Variants in ATG4B observed in about 807,000 individuals in gnomAD.
The protein encoded by ATG4B is autophagy related 4B cysteine peptidase, also known as cysteine protease ATG4B.
Under a neutral mutation model 56.6 loss-of-function variants are expected in ATG4B, and 29 were observed. The observed-to-expected ratio is 0.51, with a 90% CI of 0.38 to 0.70. The LOEUF (loss-of-function observed/expected upper bound fraction) is 0.70. Among genes scored for constraint, ATG4B ranks in the 30% least tolerant of loss-of-function variants. ATG4B has a pLI of 0.00. For missense variants in ATG4B, 461 were observed against 515.5 expected, an observed-to-expected ratio of 0.89 and a Z score of 1.02; for synonymous variants, 224 against 206.1, an observed-to-expected ratio of 1.09 and a Z score of -0.74.
At chr2:241,671,226 G>T (rs544493690) in intron 11 of ATG4B, 86 bp from the exon 12 acceptor site, 91 of 1,205,092 alleles carry the variant, frequency 7.6e-5, no homozygotes, top group Non-Finnish European at 1.0e-4. Flanking sequence ...AGGTTTGTCC[G>T]CTGGCTGTGG....
At chr2:241,660,547 T>C (rs2068559443) in intron 7 of ATG4B, among the ~76,000 whole-genome samples, 1 of 152,176 alleles carries the variant, frequency 6.6e-6, no homozygotes, top group Non-Finnish European at 1.5e-5. Context: ...TCTGCCTTTT[T>C]CCTCCATTCT....
intron 7 of ATG4B, chr2:241,659,571 G>T (rs1181723760): frequency 8.6e-6 from 3 of 347,976 alleles, no homozygotes; most frequent in Non-Finnish European, 1.7e-5. Context: ...GCACCATCTC[G>T]AGCAAAGGCA....
intron 1 of ATG4B, among the ~76,000 whole-genome samples, chr2:241,646,340 T>A (rs1222191121): frequency 6.6e-6 from 1 of 152,220 alleles, no homozygotes; most frequent in African/African-American, 2.4e-5. Flanking sequence ...ATATTTTTAA[T>A]ATGGGAAACT....
chr2:241,654,628 C>G lies in ATG4B; in HGVS notation c.366C>G (p.Tyr122Ter). 1 of 1,598,542 alleles carries G rather than the reference C, an allele frequency of 6.3e-7. No individual in the cohort carries two copies. Among genetic ancestry groups the G allele is most frequent in the Non-Finnish European group, 8.5e-7 (1 of 1,172,640 alleles). Residue 122 changes from tyrosine (Y) to a stop codon, truncating the protein, a stop_gained, in exon 5 of 13, where the codon TAC becomes TAG. Coordinates refer to ENST00000404914, the MANE Select transcript of ATG4B (RefSeq NM_013325.5). LOFTEE classifies it high-confidence loss of function. ...CATTCATCGACAGGAAGGACAGTTA[C>G]TACTCCATTCACCAGATAGGTGGGA... ...LNAFIDRKDS[Y>*]YSIHQIAQMG...
At chr2:241,642,280 G>A (rs1277062552) in intron 1 of ATG4B, among the ~76,000 whole-genome samples, 1 of 151,658 alleles carries the variant, frequency 6.6e-6, no homozygotes. Flanking sequence ...TGTGTGCACT[G>A]AAACAGTGTT....
Position 241,668,013 on chromosome 2 carries a change from A to G in ATG4B, c.733-130A>G. 2 of 797,328 alleles carry G rather than the reference A, an allele frequency of 2.5e-6. No individual in the cohort carries two copies. Among genetic ancestry groups the G allele is most frequent in the Non-Finnish European group, 3.9e-6 (2 of 507,946 alleles). The allele number at this position is 797,328 out of a possible 1,614,324, so 49.4% of individuals were successfully genotyped here. Reference sequence around the variant, plus strand: ...CCTGGACAGTAAGCTCTTTGGTACCATGTCCCCTCCTGTCCCCTCTTGTGT... The same window carrying G: ...CCTGGACAGTAAGCTCTTTGGTACCGTGTCCCCTCCTGTCCCCTCTTGTGT... On this transcript the variant is annotated intron_variant, in intron 8 of 12. Coordinates refer to ENST00000404914, the MANE Select transcript of ATG4B (RefSeq NM_013325.5). The surrounding 1 kb of genome is among the most constrained non-coding windows in gnomAD (Gnocchi z 4.2).
chr2:241,648,427 T>G (rs184256308), intron 1 of ATG4B, among the ~76,000 whole-genome samples: 2 of 151,954 alleles, frequency 1.3e-5, no homozygotes, highest in African/African-American at 4.8e-5. Flanking sequence ...AGACCTCATC[T>G]CTACAAAAAA....
intron 1 of ATG4B, 117 bp from the exon 2 acceptor site, chr2:241,650,893 C>A: frequency 2.5e-6 from 2 of 812,050 alleles, no homozygotes; most frequent in Non-Finnish European, 3.9e-6. Flanking sequence ...GGGAGTGCTG[C>A]TGTTACAAGA....
At chr2:241,659,510 A>G in intron 7 of ATG4B, 4 of 392,166 alleles carry the variant, frequency 1.0e-5, no homozygotes, top group South Asian at 8.1e-5. Context: ...TGGTGAAGTT[A>G]TTTTGCGTGC....
Position 241,668,470 on chromosome 2 carries a change from A to G in ATG4B, c.812-70A>G. The G allele has an allele frequency of 6.4e-7, 1 of 1,554,216 alleles. No homozygotes were observed. Among genetic ancestry groups the G allele is most frequent in the Non-Finnish European group, 8.7e-7 (1 of 1,153,518 alleles). On this transcript the variant is annotated intron_variant, in intron 9 of 12. Transcript: ENST00000404914. The surrounding 1 kb of genome is among the most constrained non-coding windows in gnomAD (Gnocchi z 4.2). ...GTGATGTGGGTGCAGTGGGTCTGAA[A>G]TGCGGCCTCCTCTGTCCCTTTCCTC...
intron 1 of ATG4B, among the ~76,000 whole-genome samples, chr2:241,648,286 G>A (rs2068122948): frequency 6.6e-6 from 1 of 152,106 alleles, no homozygotes; most frequent in Non-Finnish European, 1.5e-5. Flanking sequence ...GCATGGACAA[G>A]TGAAATATGT....
At chr2:241,659,329 C>A in intron 7 of ATG4B, 142 bp downstream of exon 7, 1 of 763,596 alleles carries the variant, frequency 1.3e-6, no homozygotes, top group Non-Finnish European at 2.3e-6. Flanking sequence ...GGCCTGTGCG[C>A]CAAGCCAGAT....
intron 1 of ATG4B, among the ~76,000 whole-genome samples, chr2:241,649,507 G>T (rs969941641): frequency 1.3e-5 from 2 of 152,204 alleles, no homozygotes; most frequent in Admixed American, 1.3e-4. Flanking sequence ...AAGGATGAGT[G>T]ATCAGACACC....
chr2:241,671,208 GGGA>G (rs2068957626), intron 11 of ATG4B, 101 bp from the exon 12 acceptor site: 12 of 978,346 alleles, frequency 1.2e-5, no homozygotes, highest in Admixed American at 2.1e-5. Flanking sequence ...TCAGTGAGAT[GGGA>G]TGACAGGTTT....
At chr2:241,665,329 AAG>A (rs2068729071) in intron 7 of ATG4B, among the ~76,000 whole-genome samples, 1 of 152,146 alleles carries the variant, frequency 6.6e-6, no homozygotes, top group Non-Finnish European at 1.5e-5. Context: ...ATCACCACAA[AAG>A]AGGTGACGCC....
chr2:241,662,391 G>GT (rs1405278353), intron 7 of ATG4B, among the ~76,000 whole-genome samples: 3 of 152,186 alleles, frequency 2.0e-5, no homozygotes, highest in Non-Finnish European at 4.4e-5. Flanking sequence ...TGAGGTGAGA[G>GT]TAGGTATGTG....
At chr2:241,670,065 T>C (rs1036959360) in intron 10 of ATG4B, among the ~76,000 whole-genome samples, 1 of 152,190 alleles carries the variant, frequency 6.6e-6, no homozygotes, top group Non-Finnish European at 1.5e-5. Context: ...AGAGTGCTCC[T>C]ACACCAGCGC....
rs201801584 is a variant in ATG4B at position 241,654,600 on chromosome 2, A to T, written c.338A>T (p.Asn113Ile). 6.2e-7 allele frequency: 1 copy of T among 1,603,890 alleles called. No individual in the cohort carries two copies. The highest frequency in any genetic ancestry group is 8.5e-7 in the Non-Finnish European group (1 of 1,175,282). ...CCAGACAGCTACTTCAGCGTCCTCA[A>T]CGCATTCATCGACAGGAAGGACAGT... ...RQPDSYFSVLNAFIDRKDSYY... is the reference protein window; with the variant it reads ...RQPDSYFSVLIAFIDRKDSYY... Residue 113 changes from asparagine to isoleucine, a missense_variant, in exon 5 of 13, where the codon AAC (asparagine) becomes ATC (isoleucine). Transcript: ENST00000404914.
intron 8 of ATG4B, 56 bp downstream of exon 8, chr2:241,666,894 T>C: frequency 6.6e-7 from 1 of 1,514,824 alleles, no homozygotes; most frequent in East Asian, 2.5e-5. Context: ...TCCCAGTTCT[T>C]AGTCACTTTC....
Sources: allele counts gnomAD v4.1 joint callset (sites outside exome capture counted in the v4.1 genomes callset), GRCh38; gene constraint gnomAD v4.1.1; non-coding constraint Gnocchi (gnomAD v3.1); transcripts MANE v1.5; gene names NCBI Gene and HGNC (gene_info 2026-07-23, HGNC 2026-07-21).